The following PPP2R2C variants were observed in gnomAD, a reference collection of about 807,000 sequenced individuals.
PPP2R2C encodes the protein protein phosphatase 2 regulatory subunit Bgamma.
In PPP2R2C, 10 loss-of-function variants were observed where a neutral mutation model predicts 45.3. That is an observed-to-expected ratio of 0.22 (90% confidence interval 0.14 to 0.37). PPP2R2C has a LOEUF of 0.37. Ranked by LOEUF, PPP2R2C falls within the 10% of genes least tolerant of loss-of-function variation. The pLI is 1.00. For synonymous variants in PPP2R2C, 257 were observed against 245.4 expected (o/e 1.05, Z -0.44); for missense variants, 308 against 619.7 (o/e 0.50, Z 5.34).
rs776801658 is a variant in PPP2R2C at position 6,323,331 on chromosome 4, G to A, written c.1315C>T (p.Gln439Ter). The A allele has an allele frequency of 6.2e-7, 1 of 1,609,336 alleles. No homozygotes were observed. The highest frequency in any genetic ancestry group is 1.1e-5 in the South Asian group (1 of 90,938). ...TGCATGTCAGAGTTTACCTTGTCCT[G>A]GAAGATGTACAGGTTGTTGGTGGCG... ...IAATNNLYIF[Q>*]DKVNSDMH Residue 439 changes from glutamine to a stop codon, truncating the protein, a stop_gained, in exon 9 of 9, where the codon CAG becomes TAG. Transcript: ENST00000382599. LOFTEE classifies it high-confidence loss of function.
intron 1 of PPP2R2C, among the ~76,000 whole-genome samples, chr4:6,553,223 T>C (rs923769441): frequency 6.6e-6 from 1 of 152,114 alleles, no homozygotes; most frequent in African/African-American, 2.4e-5. Context: ...GTGTTCCCCC[T>C]CTCCCTCCTG....
intron 4 of PPP2R2C, among the ~76,000 whole-genome samples, chr4:6,374,883 G>A (rs2109301576): frequency 6.6e-6 from 1 of 152,346 alleles, no homozygotes. Flanking sequence ...CGTGGCGTGG[G>A]TGAAATCGGA....
Position 6,326,313 on chromosome 4 carries a change from A to C in PPP2R2C, c.1053-2720T>G, listed in dbSNP as rs530734917. Among the ~76,000 whole-genome samples, 17 of 152,182 alleles carry C rather than the reference A, an allele frequency of 1.1e-4. No individual in the cohort carries two copies. The South Asian group carries it at 3.3e-3, about 30-fold the overall frequency. ...TGGAGAGAAGAAAACGGCCGGAGAG[A>C]AAAAAACAGCCCTAGGGATACAGCA... On this transcript the variant is annotated intron_variant, in intron 8 of 8. Coordinates refer to ENST00000382599, the MANE Select transcript of PPP2R2C (RefSeq NM_020416.4).
intron 6 of PPP2R2C, among the ~76,000 whole-genome samples, chr4:6,338,926 C>T (rs764731854): frequency 1.3e-5 from 2 of 152,214 alleles, no homozygotes; most frequent in Admixed American, 6.5e-5. Flanking sequence ...AGAAGGAGCA[C>T]GATGGGATCT....
chr4:6,520,158 G>A (rs536270882), intron 2 of PPP2R2C, among the ~76,000 whole-genome samples: 4 of 152,174 alleles, frequency 2.6e-5, no homozygotes, highest in South Asian at 2.1e-4. Flanking sequence ...GAAGGGGTAC[G>A]CTGGGGAGTT....
chr4:6,322,818 G>C lies in PPP2R2C; in HGVS notation c.*484C>G, dbSNP rs1577062197. 1.3e-5 allele frequency: 2 copies of C among 153,186 alleles called. No homozygotes were observed. The highest frequency in any genetic ancestry group is 1.3e-4 in the Admixed American group (2 of 15,326). 9.5% of individuals were successfully genotyped at this position (153,186 alleles called of 1,614,324 possible). A position where few individuals can be genotyped will look rare whatever the true frequency, so the allele number is the denominator to read the frequency against. ...TTTATAACCAAAAGAACCCCTGGCT[G>C]GCTCGTTTGAGACTCATCATCTGTC... On this transcript the variant is annotated 3_prime_UTR_variant, in exon 9 of 9. Transcript: ENST00000382599. The surrounding 1 kb of genome is among the most constrained non-coding windows in gnomAD (Gnocchi z 7.8).
chr4:6,349,984 G>C (rs960838082), intron 5 of PPP2R2C: 52 of 985,234 alleles, frequency 5.3e-5, no homozygotes, highest in Non-Finnish European at 6.3e-5. Context: ...CAGTCAGAAA[G>C]CACCTAAAAG....
intron 8 of PPP2R2C, among the ~76,000 whole-genome samples, chr4:6,325,883 A>G (rs1213070215): frequency 1.3e-5 from 2 of 152,010 alleles, no homozygotes; most frequent in Non-Finnish European, 2.9e-5. Flanking sequence ...CTTTGGGGAA[A>G]GAAAGGCTCC....
chr4:6,365,725 C>G (rs758593253), intron 5 of PPP2R2C, among the ~76,000 whole-genome samples: 3 of 152,188 alleles, frequency 2.0e-5, no homozygotes, highest in Non-Finnish European at 4.4e-5. Context: ...TGGCTGCACC[C>G]CCCTCCAGCC....
In PPP2R2C at chr4:6,343,464, C is replaced by T. The variant is rs57652955; in HGVS notation, c.790+4382G>A. 9.7e-3 allele frequency among the ~76,000 whole-genome samples: 1,476 copies of T among 152,206 alleles called. 20 individuals are homozygous for T. Among genetic ancestry groups the T allele is most frequent in the African/African-American group, 0.033 (1,375 of 41,520 alleles). ...TTGTTTAAAATTTTTCTTCTCTTGG[C>T]CTGGTATGGTGGCTCATGCCTATAA... On this transcript the variant is annotated intron_variant, in intron 6 of 8. Coordinates refer to ENST00000382599, the MANE Select transcript of PPP2R2C (RefSeq NM_020416.4).
chr4:6,376,101 C>T (rs1019112800), intron 3 of PPP2R2C, among the ~76,000 whole-genome samples, 170 bp from the exon 4 acceptor site: 41 of 152,230 alleles, frequency 2.7e-4, no homozygotes, highest in Non-Finnish European at 4.8e-4. Flanking sequence ...CTCCAGCCTT[C>T]GGCCTCCCTG....
chr4:6,456,599 A>G (rs1721051296), intron 1 of PPP2R2C, among the ~76,000 whole-genome samples: 1 of 152,156 alleles, frequency 6.6e-6, no homozygotes, highest in African/African-American at 2.4e-5. Context: ...TCCTTCGGTC[A>G]GTTCATTCCA....
chr4:6,506,601 T>A (rs1313017323), intron 2 of PPP2R2C, among the ~76,000 whole-genome samples: 4 of 152,178 alleles, frequency 2.6e-5, no homozygotes, highest in Non-Finnish European at 5.9e-5. Flanking sequence ...ACACAGGAGA[T>A]AGGAAAGCAA....
Position 6,510,081 on chromosome 4 carries a change from C to T in PPP2R2C, c.49+25190G>A, listed in dbSNP as rs372776989. Among the ~76,000 whole-genome samples the T allele has an allele frequency of 6.6e-5, 10 of 152,208 alleles. No homozygotes were observed. The East Asian group carries it at 1.3e-3, about 20-fold the overall frequency. ...TCAGACTGGTCTCCCCATCTCCATT[C>T]CTGCCCCACTCAATCCATTCTCCAC... On this transcript the variant is annotated intron_variant, in intron 2 of 9. Transcript: ENST00000506140.
rs143603535 is a variant in PPP2R2C, at chr4:6,557,717, G to C, written c.-59+5843C>G. 3.3e-3 allele frequency among the ~76,000 whole-genome samples: 498 copies of C among 152,310 alleles called. 2 individuals are homozygous for C. Among genetic ancestry groups the C allele is most frequent in the African/African-American group, 0.011 (473 of 41,544 alleles). On this transcript the variant is annotated intron_variant, in intron 1 of 9. Coordinates refer to the PPP2R2C transcript ENST00000506140. ...GAGTTGAAAGGGGAGTCTGGATTGG[G>C]AGGCCCTCAAGTAGTCCAGAAGAGG...
At chr4:6,516,509 C>A (rs1723833010) in intron 2 of PPP2R2C, among the ~76,000 whole-genome samples, 1 of 152,210 alleles carries the variant, frequency 6.6e-6, no homozygotes, top group Non-Finnish European at 1.5e-5. Flanking sequence ...AGCTCCTGGA[C>A]CAGGCCATCC....
rs766029856 is a variant in PPP2R2C, at chr4:6,445,669, T to C, written c.70+26491A>G. 8.2e-4 allele frequency among the ~76,000 whole-genome samples: 125 copies of C among 152,218 alleles called. 2 individuals are homozygous for C. Among genetic ancestry groups the C allele is most frequent in the Non-Finnish European group, 8.1e-4 (55 of 68,048 alleles). ...AGGAGTTTGAGGCTGCAGTGAGCTA[T>C]GATGGCACCACGGTACTCTAGTCTG... On this transcript the variant is annotated intron_variant, in intron 1 of 8. Transcript: ENST00000382599.
At chr4:6,450,035 A>G (rs1648459893) in intron 1 of PPP2R2C, among the ~76,000 whole-genome samples, 1 of 152,174 alleles carries the variant, frequency 6.6e-6, no homozygotes, top group South Asian at 2.1e-4. Flanking sequence ...CCTGTCCTAG[A>G]TAGCTTTGCG....
At chr4:6,384,969 A>C in intron 1 of PPP2R2C, 1 of 560,276 alleles carries the variant, frequency 1.8e-6, no homozygotes, top group Non-Finnish European at 2.3e-6. Context: ...CTTATGGTGG[A>C]GCCTTCCCAG....
Sources: gnomAD v4.1 joint callset for allele counts (sites outside exome capture counted in the v4.1 genomes callset) on GRCh38, gnomAD v4.1.1 for gene constraint, Gnocchi (gnomAD v3.1) non-coding constraint, MANE v1.5 for transcripts, NCBI Gene and HGNC (gene_info 2026-07-23, HGNC 2026-07-21) for gene names.